Variants in NXPE1 observed in about 807,000 individuals in gnomAD.
The protein encoded by NXPE1 is neurexophilin and PC-esterase domain family member 1.
NXPE1 carries 31 observed loss-of-function variants against 33.3 expected under a neutral mutation model. That is an observed-to-expected ratio of 0.93 (90% confidence interval 0.70 to 1.26). NXPE1 has a LOEUF of 1.26. Among genes scored for constraint, NXPE1 ranks in the 50% most tolerant of loss-of-function variants. NXPE1 has a pLI of 0.00. For synonymous variants in NXPE1, 229 were observed against 231.4 expected, an observed-to-expected ratio of 0.99 and a Z score of 0.09; for missense variants, 661 against 655.6, an observed-to-expected ratio of 1.01 and a Z score of -0.09.
intron 1 of NXPE1, chr11:114,553,900 A>G: frequency 3.1e-6 from 3 of 982,990 alleles, no homozygotes; most frequent in Non-Finnish European, 3.6e-6. Flanking sequence ...CGTGGAAGTC[A>G]TCAAAGGCTA....
intron 6 of NXPE1, chr11:114,529,673 T>C (rs1209413566): frequency 6.3e-6 from 1 of 158,746 alleles, no homozygotes; most frequent in Non-Finnish European, 1.4e-5. Context: ...AGAAAACCAG[T>C]AGGAATTGGC....
rs181818837 is a variant in NXPE1 at position 114,554,527 on chromosome 11, A to G, written c.-210-1647T>C. 1.2e-3 allele frequency: 324 copies of G among 269,140 alleles called. 1 individual carries two copies. Among genetic ancestry groups the G allele is most frequent in the African/African-American group, 7.2e-3 (312 of 43,494 alleles). The allele number at this position is 269,140 out of a possible 1,614,324, so 16.7% of individuals were successfully genotyped here. A position where few individuals can be genotyped will look rare whatever the true frequency, so the allele number is the denominator to read the frequency against. On this transcript the variant is annotated intron_variant, in intron 1 of 8. Transcript: ENST00000534921. ...TAACAAAAGCCAATTATACTGAGGT[A>G]TAGTTATCAACATTTTAAATAAACT...
intron 6 of NXPE1, 84 bp downstream of exon 6, chr11:114,530,091 G>T: frequency 1.4e-6 from 2 of 1,382,186 alleles, no homozygotes; most frequent in Middle Eastern, 2.4e-4. Flanking sequence ...TCTGAGTCAT[G>T]CTCAATGTTG....
At chr11:114,520,782 C>T (rs1484456824), downstream of NXPE1, among the ~76,000 whole-genome samples, 1 of 152,156 alleles carries the variant, frequency 6.6e-6, no homozygotes, top group Non-Finnish European at 1.5e-5. Context: ...TTTTAGCAGG[C>T]ACCTATATAT....
At position 114,531,579 on chromosome 11, in the gene NXPE1, T is replaced by TA. The variant is rs564432562; in HGVS notation, c.100-672dup. 5.5e-3 allele frequency among the ~76,000 whole-genome samples: 837 copies of TA among 152,338 alleles called. 11 individuals carry two copies. The highest frequency in any genetic ancestry group is 0.018 in the African/African-American group (760 of 41,580). On this transcript the variant is annotated intron_variant, in intron 5 of 8. Coordinates refer to ENST00000534921, the Ensembl canonical transcript of NXPE1. ...TCAATGGCTTCTTGTAATTCTTGGG[T>TA]AAAATCCATTTGTAATATGGCTTTT...
intron 5 of NXPE1, among the ~76,000 whole-genome samples, chr11:114,540,837 CTTTTTTTTTT>C (rs142403291): frequency 6.3e-5 from 3 of 47,414 alleles, no homozygotes; most frequent in South Asian, 7.7e-4. Flanking sequence ...AGAAAGCCAT[CTTTTTTTTTT>C]TTTTTTTTTT....
exon 4 of NXPE1, chr11:114,551,386 T>C: frequency 1.5e-6 from 2 of 1,374,128 alleles, no homozygotes; most frequent in Non-Finnish European, 1.9e-6. Flanking sequence ...TGTCTACCTA[T>C]TGGATACTTC....
downstream of NXPE1, among the ~76,000 whole-genome samples, chr11:114,520,092 GT>G (rs1947179733): frequency 6.6e-6 from 1 of 152,012 alleles, no homozygotes; most frequent in African/African-American, 2.4e-5. Context: ...GTAAGCCACC[GT>G]GCCTGGCCAC....
chr11:114,535,488 A>G (rs753728354), intron 5 of NXPE1, among the ~76,000 whole-genome samples: 62 of 152,342 alleles, frequency 4.1e-4, no homozygotes, highest in Non-Finnish European at 7.3e-4. Flanking sequence ...ACAGACTGGC[A>G]AATTGGATAA....
chr11:114,519,697 G>A (rs1947165303), downstream of NXPE1, among the ~76,000 whole-genome samples: 1 of 152,048 alleles, frequency 6.6e-6, no homozygotes, highest in Admixed American at 6.6e-5. Context: ...TGGTGCAGAG[G>A]CTTCAGAGAC....
intron 7 of NXPE1, among the ~76,000 whole-genome samples, chr11:114,525,511 C>T (rs946237944): frequency 1.3e-5 from 2 of 152,074 alleles, no homozygotes; most frequent in East Asian, 3.9e-4. Flanking sequence ...AGAGTCTCTC[C>T]CTCCCATCCC....
chr11:114,528,156 A>G (rs1947437991), intron 6 of NXPE1, among the ~76,000 whole-genome samples: 1 of 152,176 alleles, frequency 6.6e-6, no homozygotes, highest in Non-Finnish European at 1.5e-5. Context: ...CTGGAATTTT[A>G]GATTCAAAAT....
At chr11:114,522,636 C>G (rs1162748479) in intron 8 of NXPE1, 133 bp from the exon 9 acceptor site, 1 of 767,448 alleles carries the variant, frequency 1.3e-6, no homozygotes, top group South Asian at 2.0e-5. Context: ...CTCTAGGGTA[C>G]AGTACCCCCA....
At chr11:114,543,030 G>A (rs1372471102) in intron 5 of NXPE1, among the ~76,000 whole-genome samples, 1 of 152,104 alleles carries the variant, frequency 6.6e-6, no homozygotes, top group Non-Finnish European at 1.5e-5. Context: ...TGAGGCAGGA[G>A]GATCACTTGA....
At chr11:114,558,863 G>T (rs1476932738) in intron 1 of NXPE1, among the ~76,000 whole-genome samples, 1 of 152,160 alleles carries the variant, frequency 6.6e-6, no homozygotes. Flanking sequence ...GGTCCATAAA[G>T]AATCACATAC....
At chr11:114,519,095 A>AC (rs1255915788), downstream of NXPE1, among the ~76,000 whole-genome samples, 3 of 152,238 alleles carry the variant, frequency 2.0e-5, no homozygotes, top group East Asian at 5.8e-4. Context: ...TGACCAATTG[A>AC]CCCCACAATT....
intron 3 of NXPE1, 28 bp from the exon 4 acceptor site, chr11:114,551,469 AG>A: frequency 8.5e-7 from 1 of 1,171,512 alleles, no homozygotes; most frequent in Non-Finnish European, 1.1e-6. Context: ...GTCACCTTAT[AG>A]GTTCTCTTAA....
At chr11:114,525,425 C>T (rs1947339445) in intron 7 of NXPE1, among the ~76,000 whole-genome samples, 1 of 152,024 alleles carries the variant, frequency 6.6e-6, no homozygotes, top group East Asian at 1.9e-4. Flanking sequence ...CACTCTAAGA[C>T]CCAGGGAAGG....
intron 5 of NXPE1, among the ~76,000 whole-genome samples, chr11:114,544,376 T>G (rs560572531): frequency 4.2e-4 from 64 of 152,288 alleles, no homozygotes; most frequent in Admixed American, 2.4e-3. Context: ...GGTGAAAGAA[T>G]GAACAGATTA....
Sources: allele counts gnomAD v4.1 joint callset (sites outside exome capture counted in the v4.1 genomes callset), GRCh38; gene constraint gnomAD v4.1.1; transcripts MANE v1.5; gene names NCBI Gene and HGNC (gene_info 2026-07-23, HGNC 2026-07-21).